The following ZNF804B variants were observed in gnomAD, a reference collection of about 807,000 sequenced individuals.
ZNF804B encodes zinc finger protein 804B.
ZNF804B carries 80 observed loss-of-function variants against 101.4 expected under a neutral mutation model. The ratio of observed to expected loss-of-function variants is 0.79; its 90% CI spans 0.66 to 0.95. The LOEUF (loss-of-function observed/expected upper bound fraction) is 0.95. ZNF804B is among the 40% of genes least tolerant of loss of function. The probability of loss-of-function intolerance (pLI) is 0.00; values close to 1 mark genes in which losing one functional copy is unlikely to be tolerated. For synonymous variants in ZNF804B, 622 were observed against 558.8 expected, an observed-to-expected ratio of 1.11 and a Z score of -1.59; for missense variants, 1,673 against 1,561.9, an observed-to-expected ratio of 1.07 and a Z score of -1.20.
In ZNF804B at chr7:88,831,337, A is replaced by G. The variant is rs184474518; in HGVS notation, c.108+71253A>G. Among the ~76,000 whole-genome samples the G allele has an allele frequency of 2.6e-5, 4 of 152,060 alleles. No homozygotes were observed. In the East Asian group the frequency reaches 5.8e-4, roughly 22 times the overall value. On this transcript the variant is annotated intron_variant, in intron 1 of 3. Transcript: ENST00000333190. ...AGACTTAATAGGTCTAACAGACATG[A>G]TATTTTGAAGAGCTATAATGTATTC... is the stretch of plus-strand genomic sequence containing the variant.
At chr7:88,915,054 A>G (rs912940381) in intron 1 of ZNF804B, among the ~76,000 whole-genome samples, 2 of 152,058 alleles carry the variant, frequency 1.3e-5, no homozygotes, top group African/African-American at 4.8e-5. Context: ...GTTTTTATTG[A>G]TTGATGAAAC....
chr7:89,088,899 A>G (rs1464646739), intron 1 of ZNF804B, among the ~76,000 whole-genome samples: 2 of 151,902 alleles, frequency 1.3e-5, no homozygotes, highest in Non-Finnish European at 2.9e-5. Flanking sequence ...TAAAGACTGA[A>G]CAGTCGTCCT....
chr7:89,259,601 G>A (rs767928275), intron 2 of ZNF804B, among the ~76,000 whole-genome samples: 17 of 152,056 alleles, frequency 1.1e-4, no homozygotes, highest in Non-Finnish European at 2.4e-4. Context: ...AGCCTTAAGC[G>A]TCCTAATGAC....
chr7:88,820,781 T>C (rs1382275534), intron 1 of ZNF804B, among the ~76,000 whole-genome samples: 1 of 151,836 alleles, frequency 6.6e-6, no homozygotes, highest in Non-Finnish European at 1.5e-5. Flanking sequence ...AGAGAATAAG[T>C]TGGGTAAGGG....
intron 2 of ZNF804B, among the ~76,000 whole-genome samples, chr7:89,287,461 C>G (rs1745231427): frequency 6.6e-6 from 1 of 151,942 alleles, no homozygotes; most frequent in African/African-American, 2.4e-5. Flanking sequence ...GTTGTGGTGC[C>G]AAAAAATAAA....
At chr7:88,920,903 G>T (rs1021013208) in intron 1 of ZNF804B, among the ~76,000 whole-genome samples, 3 of 151,976 alleles carry the variant, frequency 2.0e-5, no homozygotes, top group African/African-American at 7.2e-5. Context: ...GTAAGTATTT[G>T]CGTGCAACCC....
At chr7:88,762,571 A>G (rs1467863011) in intron 1 of ZNF804B, among the ~76,000 whole-genome samples, 1 of 152,174 alleles carries the variant, frequency 6.6e-6, no homozygotes, top group East Asian at 1.9e-4. Flanking sequence ...TTAATTCAGC[A>G]ATACACATTC....
intron 2 of ZNF804B, among the ~76,000 whole-genome samples, chr7:89,255,473 T>C (rs1419887368): frequency 6.6e-6 from 1 of 152,132 alleles, no homozygotes; most frequent in African/African-American, 2.4e-5. Flanking sequence ...TGGATGCAAA[T>C]TGGATTTACA....
chr7:89,142,182 A>T (rs1481577726), intron 1 of ZNF804B, among the ~76,000 whole-genome samples: 3 of 151,792 alleles, frequency 2.0e-5, no homozygotes, highest in East Asian at 1.9e-4. Context: ...AATTGCCTTT[A>T]TTGGATGATA....
intron 2 of ZNF804B, among the ~76,000 whole-genome samples, chr7:89,324,508 G>A (rs1318393101): frequency 6.7e-6 from 1 of 148,988 alleles, no homozygotes; most frequent in East Asian, 2.0e-4. Flanking sequence ...TAATTTTGGT[G>A]TTTAGACCAT....
chr7:89,171,288 G>GCTGCTTCTTCTTCTTCTTCTTCTT (rs1215246589), intron 1 of ZNF804B, among the ~76,000 whole-genome samples: 4 of 82,484 alleles, frequency 4.8e-5, no homozygotes, highest in Admixed American at 2.3e-4. Context: ...TGCTGCTGCT[G>GCTGCTTCTTCTTCTTCTTCTTCTT]CTTCTTCTTC....
At chr7:89,117,184 A>C (rs954128133) in intron 1 of ZNF804B, among the ~76,000 whole-genome samples, 2 of 152,188 alleles carry the variant, frequency 1.3e-5, no homozygotes, top group Non-Finnish European at 2.9e-5. Flanking sequence ...CCCTTTGATA[A>C]GTCAATTTTG....
At chr7:88,838,533 G>A (rs533097617) in intron 1 of ZNF804B, among the ~76,000 whole-genome samples, 1 of 151,952 alleles carries the variant, frequency 6.6e-6, no homozygotes, top group African/African-American at 2.4e-5. Context: ...AAAAGTGTTT[G>A]CTTATTTTTA....
At chr7:88,933,068 C>T (rs936559090) in intron 1 of ZNF804B, among the ~76,000 whole-genome samples, 2 of 151,614 alleles carry the variant, frequency 1.3e-5, no homozygotes, top group South Asian at 2.1e-4. Flanking sequence ...CTAACCAAAT[C>T]CAACAGAATA....
intron 1 of ZNF804B, among the ~76,000 whole-genome samples, chr7:88,818,909 G>A (rs561909104): frequency 2.6e-5 from 4 of 152,254 alleles, no homozygotes; most frequent in African/African-American, 7.2e-5. Flanking sequence ...TCTTGTTGTT[G>A]TACTACTATG....
intron 3 of ZNF804B, among the ~76,000 whole-genome samples, chr7:89,332,378 C>G (rs928810674): frequency 6.6e-6 from 1 of 151,502 alleles, no homozygotes; most frequent in Non-Finnish European, 1.5e-5. Context: ...ATTCAAGCAA[C>G]AAATGACTAG....
At chr7:89,237,491 T>C (rs1021791693) in intron 2 of ZNF804B, among the ~76,000 whole-genome samples, 1 of 152,230 alleles carries the variant, frequency 6.6e-6, no homozygotes, top group Non-Finnish European at 1.5e-5. Context: ...AGATGAAGCA[T>C]GTTAAAGTAC....
At chr7:88,989,432 T>A (rs1793811479) in intron 1 of ZNF804B, among the ~76,000 whole-genome samples, 1 of 152,270 alleles carries the variant, frequency 6.6e-6, no homozygotes, top group South Asian at 2.1e-4. Flanking sequence ...TCATAGTGCT[T>A]GTCCAACAGA....
intron 1 of ZNF804B, among the ~76,000 whole-genome samples, chr7:89,057,265 A>T (rs1189253651): frequency 6.6e-6 from 1 of 152,096 alleles, no homozygotes; most frequent in Non-Finnish European, 1.5e-5. Context: ...ACCAATGCTA[A>T]CATGACTTTC....
Sources: gnomAD v4.1 joint callset for allele counts (sites outside exome capture counted in the v4.1 genomes callset) on GRCh38, gnomAD v4.1.1 for gene constraint, MANE v1.5 for transcripts, NCBI Gene and HGNC (gene_info 2026-07-23, HGNC 2026-07-21) for gene names.